MGA: variants seen among roughly 807,000 people sequenced by gnomAD.
MGA encodes MAX gene-associated protein.
In MGA, 40 loss-of-function variants were observed where a neutral mutation model predicts 261.1. The ratio of observed to expected loss-of-function variants is 0.15; its 90% CI spans 0.12 to 0.20. MGA has a LOEUF of 0.20. MGA is among the 10% of genes least tolerant of loss of function. The pLI, the probability that MGA is intolerant of heterozygous loss-of-function variation, is 1.00. For synonymous variants in MGA, 1,302 were observed against 1,290.6 expected, an observed-to-expected ratio of 1.01 and a Z score of -0.19; for missense variants, 3,397 against 3,630.5, an observed-to-expected ratio of 0.94 and a Z score of 1.65.
rs2063809712 is a variant in MGA, at chr15:41,766,628, G to T, written c.8546G>T (p.Ser2849Ile). The change falls in exon 24 of 24, where the codon AGC (serine) becomes ATC (isoleucine). Residue 2849 changes from serine to isoleucine, a missense_variant. Around this residue, in one of 9 missense-constraint regions of MGA, gnomAD observed 647 missense variants for 642.4 expected, o/e 1.01. Coordinates refer to ENST00000219905, the MANE Select transcript of MGA (RefSeq NM_001164273.2). ...TCTGTTGGCCTGGCTGAACTACCCA[G>T]CTCTATGGATACAGAGTTCCCAGGG... 5 of 1,613,906 alleles carry T rather than the reference G, an allele frequency of 3.1e-6. No homozygotes were observed. The highest frequency in any genetic ancestry group is 4.2e-6 in the Non-Finnish European group (5 of 1,179,900).
At chr15:41,722,548 T>G (rs77858307) in intron 9 of MGA, among the ~76,000 whole-genome samples, 5,074 of 152,296 alleles carry the variant, frequency 0.033, 138 homozygotes, top group South Asian at 0.07. Flanking sequence ...GGATTGTGAT[T>G]GAGAAAGGGT....
At chr15:41,713,669 C>G (rs552346563) in intron 9 of MGA, among the ~76,000 whole-genome samples, 173 bp downstream of exon 9, 2 of 152,300 alleles carry the variant, frequency 1.3e-5, no homozygotes, top group African/African-American at 2.4e-5. Flanking sequence ...CACACAAACA[C>G]ACACCTTTTT....
At chr15:41,764,294 C>T (rs1398344709) in intron 22 of MGA, among the ~76,000 whole-genome samples, 1 of 144,020 alleles carries the variant, frequency 6.9e-6, no homozygotes, top group Non-Finnish European at 1.5e-5. Context: ...CGCTCTGTTG[C>T]CCAGGGTAGA....
At chr15:41,762,460 G>GTTTTT (rs1491528643) in intron 22 of MGA, 98 bp downstream of exon 22, 130 of 190,510 alleles carry the variant, frequency 6.8e-4, no homozygotes, top group Non-Finnish European at 8.9e-4. Flanking sequence ...AGTTTTGTGT[G>GTTTTT]GTTTTTTTTT....
At chr15:41,646,308 A>C (rs1420454933) in intron 1 of MGA, among the ~76,000 whole-genome samples, 1 of 151,630 alleles carries the variant, frequency 6.6e-6, no homozygotes, top group Admixed American at 6.6e-5. Flanking sequence ...CTGTGAGGAG[A>C]TATTCCATTT....
rs2057946414 is a variant in MGA, at chr15:41,669,787, A to G, written c.893A>G (p.Gln298Arg). ...CATCGGGTCCGTCTTACAGAAGGTC[A>G]GGGGTCAGAGATACAACCAGGTGAT... The change falls in exon 2 of 24, where the codon CAG becomes CGG. Residue 298 changes from glutamine (Q) to arginine (R), a missense_variant. Gln to Arg is a conservative substitution (Grantham distance 43). Around this residue, in one of 9 missense-constraint regions of MGA, gnomAD observed 563 missense variants for 563.6 expected, o/e 1.00. Coordinates refer to ENST00000219905, the MANE Select transcript of MGA (RefSeq NM_001164273.2). 3.1e-6 allele frequency: 5 copies of G among 1,613,998 alleles called. No homozygotes were observed. Among genetic ancestry groups the G allele is most frequent in the African/African-American group, 2.7e-5 (2 of 75,052 alleles).
intron 1 of MGA, among the ~76,000 whole-genome samples, chr15:41,661,565 G>T (rs895802611): frequency 1.3e-5 from 2 of 152,084 alleles, no homozygotes; most frequent in African/African-American, 4.8e-5. Flanking sequence ...GTTACTGATG[G>T]CAGACCAACA....
intron 2 of MGA, among the ~76,000 whole-genome samples, chr15:41,685,072 T>G (rs1024657726): frequency 6.6e-6 from 1 of 152,210 alleles, no homozygotes; most frequent in African/African-American, 2.4e-5. Context: ...AGTGAAATGT[T>G]TGAAAGGGGG....
At chr15:41,731,963 A>G (rs79794386) in intron 11 of MGA, among the ~76,000 whole-genome samples, 1,995 of 152,286 alleles carry the variant, frequency 0.013, 50 homozygotes, top group African/African-American at 0.045. Flanking sequence ...GTGCAATTAC[A>G]TGTACTACCT....
rs150585920 is a variant in MGA at position 41,742,830 on chromosome 15, A to G, written c.4870A>G (p.Lys1624Glu). 1.3e-3 allele frequency: 2,104 copies of G among 1,613,940 alleles called. 3 individuals are homozygous for G. The highest frequency in any genetic ancestry group is 1.7e-3 in the Non-Finnish European group (1,980 of 1,179,872). Residue 1624 changes from lysine to glutamate, a missense_variant, in exon 15 of 24, where the codon AAA (lysine) becomes GAA (glutamate). Lys to Glu is a moderately conservative substitution (Grantham distance 56). Coordinates refer to ENST00000219905, the MANE Select transcript of MGA (RefSeq NM_001164273.2). The stretch of plus-strand genomic sequence containing the variant: ...GACTGCTATTTCTGACGTGGAAACT[A>G]AAGAAACTACTTATTCTTCTGGTGC...
intron 2 of MGA, among the ~76,000 whole-genome samples, chr15:41,693,112 T>G (rs1039726048): frequency 8.5e-5 from 13 of 152,186 alleles, no homozygotes; most frequent in Non-Finnish European, 1.9e-4. Context: ...AGTGTTAGGA[T>G]TACAGGCACG....
At chr15:41,675,961 C>G (rs1017252296) in intron 2 of MGA, among the ~76,000 whole-genome samples, 1 of 152,178 alleles carries the variant, frequency 6.6e-6, no homozygotes, top group African/African-American at 2.4e-5. Flanking sequence ...AAAACAAATT[C>G]CTGCATTATG....
chr15:41,691,450 T>G (rs1333061861), intron 2 of MGA: 1 of 226,970 alleles, frequency 4.4e-6, no homozygotes, highest in Non-Finnish European at 9.6e-6. Context: ...TTTAGTATTT[T>G]CCATATACAA....
chr15:41,640,615 T>A (rs772573633), intron 1 of MGA, among the ~76,000 whole-genome samples: 1 of 151,884 alleles, frequency 6.6e-6, no homozygotes, highest in Non-Finnish European at 1.5e-5. Context: ...TGCCTCCCGG[T>A]TCAAGCGATT....
rs142308202 is a variant in MGA at position 41,647,325 on chromosome 15, C to T, written c.-67-21503C>T. On this transcript the variant is annotated intron_variant, in intron 1 of 8. Transcript: ENST00000566718. ...GCACTTACATTTATAGTTTGAAATA[C>T]ATTGATTTTCCAATCTATTTCTTCA... Among the ~76,000 whole-genome samples the T allele has an allele frequency of 9.1e-3, 1,379 of 152,320 alleles. 13 individuals carry two copies. Among genetic ancestry groups the T allele is most frequent in the Non-Finnish European group, 0.012 (825 of 68,028 alleles).
chr15:41,729,292 A>G lies in MGA; in HGVS notation c.3786A>G (p.Pro1262=), dbSNP rs2061391317. Residue 1262 remains proline, a synonymous_variant, in exon 11 of 24, where the codon CCA becomes CCG. Coordinates refer to ENST00000219905, the MANE Select transcript of MGA (RefSeq NM_001164273.2). Reference sequence around the variant, plus strand: ...CATCTTCCTCCTCCTCCCCATCTCCATCATTTCAGCAGCAAACTTCATGTC... The same window carrying G: ...CATCTTCCTCCTCCTCCCCATCTCCGTCATTTCAGCAGCAAACTTCATGTC... The G allele has an allele frequency of 6.2e-7, 1 of 1,613,876 alleles. No homozygotes were observed.
intron 13 of MGA, among the ~76,000 whole-genome samples, chr15:41,738,150 C>A (rs964268989): frequency 6.6e-6 from 1 of 152,024 alleles, no homozygotes; most frequent in African/African-American, 2.4e-5. Context: ...CCTGTAATAC[C>A]AGCACTTTGG....
At position 41,697,116 on chromosome 15, in the gene MGA, T is replaced by C. The variant is rs2059582113; in HGVS notation, c.2013+93T>C. On this transcript the variant is annotated intron_variant, in intron 3 of 23. Coordinates refer to ENST00000219905, the MANE Select transcript of MGA (RefSeq NM_001164273.2). ...AGTAACTCGATTTACAATCTAGTTT[T>C]GTGATATCTATTTGTGAGGGTGTAT... The C allele has an allele frequency of 5.5e-6, 6 of 1,100,478 alleles. No homozygotes were observed. The South Asian group carries it at 1.0e-4, about 19-fold the overall frequency. 68.2% of individuals were successfully genotyped at this position (1,100,478 alleles called of 1,614,324 possible).
chr15:41,736,684 T>G lies in MGA; in HGVS notation c.4420T>G (p.Ser1474Ala), dbSNP rs749058513. The G allele has an allele frequency of 2.5e-6, 4 of 1,608,142 alleles. No homozygotes were observed. The highest frequency in any genetic ancestry group is 2.2e-5 in the South Asian group (2 of 90,150). Residue 1474 changes from serine (S) to alanine (A), a missense_variant, in exon 13 of 24, where the codon TCT becomes GCT. Physicochemically the swap from Ser to Ala is moderately conservative, Grantham distance 99. Transcript: ENST00000219905. Reference sequence around the variant, plus strand: ...TAAACGTAAACCCAGTTCAAGTACATCTGGGCTTATCCAGGTGAGAATTAT... The same window carrying G: ...TAAACGTAAACCCAGTTCAAGTACAGCTGGGCTTATCCAGGTGAGAATTAT...
Sources: gnomAD v4.1 joint callset for allele counts (sites outside exome capture counted in the v4.1 genomes callset) on GRCh38, gnomAD v4.1.1 for gene constraint, gnomAD v4.1.1 regional missense constraint, MANE v1.5 for transcripts, NCBI Gene and HGNC (gene_info 2026-07-23, HGNC 2026-07-21) for gene names.